Variants in PEAK1 observed in about 807,000 individuals in gnomAD.
PEAK1 encodes inactive tyrosine-protein kinase PEAK1.
PEAK1 carries 54 observed loss-of-function variants against 124.7 expected under a neutral mutation model. That is an observed-to-expected ratio of 0.43 (90% confidence interval 0.35 to 0.54). PEAK1 has a LOEUF of 0.54. PEAK1 is among the 20% of genes least tolerant of loss of function. The pLI, the probability that PEAK1 is intolerant of heterozygous loss-of-function variation, is 0.01. For synonymous variants in PEAK1, 719 were observed against 760.0 expected (o/e 0.95, Z 0.89); for missense variants, 2,046 against 2,134.5 (o/e 0.96, Z 0.82).
At chr15:77,158,773 T>C in intron 7 of PEAK1, 77 bp from the exon 8 acceptor site, 1 of 1,373,850 alleles carries the variant, frequency 7.3e-7, no homozygotes, top group Non-Finnish European at 1.0e-6. Flanking sequence ...AGGCATATAC[T>C]TCCCATAAAT....
chr15:77,418,799 C>A, intron 1 of PEAK1: 1 of 985,340 alleles, frequency 1.0e-6, no homozygotes, highest in Non-Finnish European at 1.2e-6. Context: ...TCTGACTATA[C>A]ACATCACTAC....
intron 1 of PEAK1, among the ~76,000 whole-genome samples, chr15:77,409,080 C>T (rs964251395): frequency 2.6e-5 from 4 of 151,998 alleles, no homozygotes; most frequent in Admixed American, 6.6e-5. Context: ...CAAAAACAAA[C>T]AAACACAAAA....
chr15:77,299,200 C>T (rs2063664325), intron 2 of PEAK1, among the ~76,000 whole-genome samples: 1 of 152,164 alleles, frequency 6.6e-6, no homozygotes, highest in Non-Finnish European at 1.5e-5. Context: ...TAATTTTCTT[C>T]AAGGTCTGGA....
intron 1 of PEAK1, among the ~76,000 whole-genome samples, chr15:77,394,145 A>G (rs570486756): frequency 1.3e-5 from 2 of 152,144 alleles, no homozygotes; most frequent in Admixed American, 6.5e-5. Context: ...AAGGTTTCCA[A>G]CTCCAGGCCC....
chr15:77,121,322 T>C (rs1210802673), intron 9 of PEAK1, among the ~76,000 whole-genome samples: 1 of 152,184 alleles, frequency 6.6e-6, no homozygotes, highest in Non-Finnish European at 1.5e-5. Context: ...ACTTGCTCCA[T>C]ATGTCTGTAA....
intron 6 of PEAK1, among the ~76,000 whole-genome samples, chr15:77,221,854 CAAACA>C (rs1429354411): frequency 6.6e-6 from 1 of 152,036 alleles, no homozygotes; most frequent in Non-Finnish European, 1.5e-5. Flanking sequence ...GATTACTAAC[CAAACA>C]AATGTTGGCT....
At chr15:77,205,212 A>T in intron 6 of PEAK1, 1 of 219,024 alleles carries the variant, frequency 4.6e-6, no homozygotes. Flanking sequence ...CTCTAGACAC[A>T]TTTTCAAGAA....
At chr15:77,344,841 T>G (rs1466742466) in intron 2 of PEAK1, among the ~76,000 whole-genome samples, 1 of 152,240 alleles carries the variant, frequency 6.6e-6, no homozygotes, top group African/African-American at 2.4e-5. Context: ...GAAACCATTT[T>G]TGGATTAGTC....
intron 8 of PEAK1, among the ~76,000 whole-genome samples, chr15:77,134,502 T>C (rs866092161): frequency 1.3e-5 from 2 of 152,220 alleles, no homozygotes; most frequent in Non-Finnish European, 2.9e-5. Context: ...TACATTGTGA[T>C]TTGAGAGATA....
chr15:77,102,388 G>A (rs1423467763), exon 7 of PEAK1: 2 of 152,088 alleles, frequency 1.3e-5, no homozygotes, highest in Non-Finnish European at 1.5e-5. Flanking sequence ...CATGGACAAA[G>A]GTTTATCACC....
intron 6 of PEAK1, among the ~76,000 whole-genome samples, chr15:77,238,365 G>A (rs1235415036): frequency 1.3e-5 from 2 of 151,182 alleles, no homozygotes; most frequent in Non-Finnish European, 3.0e-5. Flanking sequence ...CTTCCTGTTT[G>A]TCCTTTCTTT....
At chr15:77,396,400 GAAGT>G (rs1597592005) in intron 1 of PEAK1, among the ~76,000 whole-genome samples, 1 of 151,976 alleles carries the variant, frequency 6.6e-6, no homozygotes, top group African/African-American at 2.4e-5. Flanking sequence ...AAATATGGTA[GAAGT>G]AAGTTACTTA....
Position 77,318,819 on chromosome 15 carries a change from G to C in PEAK1, c.-602-32315C>G, listed in dbSNP as rs541043292. On this transcript the variant is annotated intron_variant, in intron 2 of 9. Coordinates refer to ENST00000682557, the MANE Select transcript of PEAK1 (RefSeq NM_001385026.1). The stretch of plus-strand genomic sequence containing the variant: ...GCAATCATGTCAGATGCTAATAGAT[G>C]ACACCCCTCCTTACCACATGTCCCC... Among the ~76,000 whole-genome samples the C allele has an allele frequency of 3.3e-5, 5 of 152,042 alleles. 1 individual carries two copies. The South Asian group carries it at 1.0e-3, about 32-fold the overall frequency.
chr15:77,373,398 T>C (rs1054621920), intron 1 of PEAK1, among the ~76,000 whole-genome samples: 2 of 152,208 alleles, frequency 1.3e-5, no homozygotes, highest in Non-Finnish European at 2.9e-5. Flanking sequence ...CTGTCTCTTA[T>C]GGTTAGAGAA....
chr15:77,236,030 A>G (rs2060106439), intron 6 of PEAK1, among the ~76,000 whole-genome samples: 1 of 152,250 alleles, frequency 6.6e-6, no homozygotes, highest in Non-Finnish European at 1.5e-5. Context: ...TCGGATATCC[A>G]GGCAGAAGTT....
chr15:77,127,040 A>G (rs551376165), intron 9 of PEAK1, among the ~76,000 whole-genome samples: 6 of 152,320 alleles, frequency 3.9e-5, no homozygotes, highest in African/African-American at 1.4e-4. Context: ...ACAAGGAGGT[A>G]ATTAATTAAA....
intron 6 of PEAK1, among the ~76,000 whole-genome samples, chr15:77,206,273 G>A (rs1260306143): frequency 6.8e-6 from 1 of 147,036 alleles, no homozygotes; most frequent in Admixed American, 6.9e-5. Flanking sequence ...TGTGAATAAT[G>A]CCGCAATAAA....
chr15:77,251,939 C>T (rs933508591), intron 6 of PEAK1, among the ~76,000 whole-genome samples: 1 of 152,224 alleles, frequency 6.6e-6, no homozygotes, highest in Non-Finnish European at 1.5e-5. Flanking sequence ...AGTACCCCTG[C>T]TCTGCAGGAG....
At chr15:77,242,154 A>G (rs1481380776) in intron 6 of PEAK1, among the ~76,000 whole-genome samples, 1 of 152,068 alleles carries the variant, frequency 6.6e-6, no homozygotes, top group Non-Finnish European at 1.5e-5. Context: ...CTAATTCAGT[A>G]TTTGCACACA....
Sources: gnomAD v4.1 joint callset for allele counts (sites outside exome capture counted in the v4.1 genomes callset) on GRCh38, gnomAD v4.1.1 for gene constraint, MANE v1.5 for transcripts, NCBI Gene and HGNC (gene_info 2026-07-23, HGNC 2026-07-21) for gene names.